APBA1: variants seen among roughly 807,000 people sequenced by gnomAD.
APBA1 encodes the protein amyloid beta precursor protein binding family A member 1.
In APBA1, 55 loss-of-function variants were observed where a neutral mutation model predicts 86.6. The ratio of observed to expected loss-of-function variants is 0.64; its 90% CI spans 0.51 to 0.80. The LOEUF (loss-of-function observed/expected upper bound fraction) is 0.80. Among genes scored for constraint, APBA1 ranks in the 30% least tolerant of loss-of-function variants. The pLI is 0.00. For missense variants in APBA1, 1,090 were observed against 1,183.0 expected (o/e 0.92, Z 1.15); for synonymous variants, 511 against 493.9 (o/e 1.03, Z -0.46).
intron 1 of APBA1, among the ~76,000 whole-genome samples, chr9:69,517,939 GT>G (rs1479359503): frequency 6.6e-6 from 1 of 152,194 alleles, no homozygotes; most frequent in African/African-American, 2.4e-5. Flanking sequence ...CTGAGTTACA[GT>G]TGACTTTTCA....
At chr9:69,499,644 C>T (rs1228264670) in intron 2 of APBA1, among the ~76,000 whole-genome samples, 1 of 145,174 alleles carries the variant, frequency 6.9e-6, no homozygotes, top group Non-Finnish European at 1.5e-5. Flanking sequence ...TGACCTTGGT[C>T]AGTAGTTTCC....
intron 1 of APBA1, among the ~76,000 whole-genome samples, chr9:69,618,586 G>C (rs1822753400): frequency 6.6e-6 from 1 of 152,152 alleles, no homozygotes; most frequent in African/African-American, 2.4e-5. Context: ...CTCAACCAAG[G>C]CTGATGTGGC....
At chr9:69,481,608 T>TA (rs1298269291) in intron 2 of APBA1, among the ~76,000 whole-genome samples, 1 of 55,612 alleles carries the variant, frequency 1.8e-5, no homozygotes, top group Non-Finnish European at 4.2e-5. Flanking sequence ...TTCACAGAAT[T>TA]GGAAAAAACT....
chr9:69,541,012 G>A (rs1023715487), intron 1 of APBA1, among the ~76,000 whole-genome samples: 2 of 152,132 alleles, frequency 1.3e-5, no homozygotes, highest in East Asian at 1.9e-4. Context: ...ATGTTGTCAC[G>A]TATCACAGGA....
At chr9:69,557,833 T>C (rs1055172516) in intron 1 of APBA1, among the ~76,000 whole-genome samples, 1 of 152,216 alleles carries the variant, frequency 6.6e-6, no homozygotes. Context: ...ATACTCCTTT[T>C]CTGGCTGAAG....
intron 1 of APBA1, among the ~76,000 whole-genome samples, chr9:69,537,933 G>C (rs1331744869): frequency 6.6e-6 from 1 of 151,936 alleles, no homozygotes; most frequent in Non-Finnish European, 1.5e-5. Context: ...AAACTTAAAA[G>C]TTTTATTTAG....
intron 5 of APBA1, 129 bp from the exon 6 acceptor site, chr9:69,458,317 G>A: frequency 1.4e-6 from 1 of 712,448 alleles, no homozygotes. Flanking sequence ...GAGGAGGACT[G>A]GCTTTTAAAA....
chr9:69,484,225 TACA>T (rs1034905713), intron 2 of APBA1, among the ~76,000 whole-genome samples: 39 of 152,126 alleles, frequency 2.6e-4, no homozygotes, highest in African/African-American at 8.9e-4. Flanking sequence ...ATAAATTCTT[TACA>T]ACATTATGGG....
intron 1 of APBA1, among the ~76,000 whole-genome samples, chr9:69,639,555 C>T (rs1313819029): frequency 6.6e-6 from 1 of 152,150 alleles, no homozygotes; most frequent in Non-Finnish European, 1.5e-5. Context: ...TAATAGGCTC[C>T]TACTGTCCAA....
chr9:69,671,566 C>G (rs1347710268), intron 1 of APBA1, among the ~76,000 whole-genome samples: 1 of 152,128 alleles, frequency 6.6e-6, no homozygotes, highest in African/African-American at 2.4e-5. Context: ...GTAAGGGCAG[C>G]GGCAGATCTC....
At chr9:69,666,956 A>C (rs888601530) in intron 1 of APBA1, among the ~76,000 whole-genome samples, 1 of 152,224 alleles carries the variant, frequency 6.6e-6, no homozygotes, top group African/African-American at 2.4e-5. Context: ...TATTGAATGC[A>C]TATGATGGGT....
intron 8 of APBA1, among the ~76,000 whole-genome samples, chr9:69,454,165 C>T (rs141960909): frequency 3.9e-4 from 59 of 152,352 alleles, no homozygotes; most frequent in African/African-American, 1.3e-3. Context: ...GGGAACTTTC[C>T]GTGTGGCTGG....
intron 1 of APBA1, among the ~76,000 whole-genome samples, chr9:69,581,619 T>C (rs771588995): frequency 9.9e-5 from 15 of 152,134 alleles, no homozygotes; most frequent in Non-Finnish European, 1.9e-4. Context: ...CAGTAGGCAC[T>C]AAATAACTAA....
intron 1 of APBA1, among the ~76,000 whole-genome samples, chr9:69,548,432 C>T (rs578172643): frequency 5.9e-5 from 9 of 152,298 alleles, no homozygotes; most frequent in South Asian, 2.1e-4. Context: ...TATGTCACTA[C>T]GTTTGTGGTA....
rs1291829161 is a variant in APBA1 at position 69,511,859 on chromosome 9, C to T, written c.1200+4152G>A. Among the ~76,000 whole-genome samples, 66 of 144,476 alleles carry T rather than the reference C, an allele frequency of 4.6e-4. No individual in the cohort carries two copies. The East Asian group carries it at 9.6e-3, about 21-fold the overall frequency. The allele number at this position is 144,476 out of a possible 152,430, so 94.8% of individuals were successfully genotyped here. ...AACACCGCATATTCTCACTCATAGG[C>T]GGGAATTGAACAATGAGATCACATG... is the stretch of plus-strand genomic sequence containing the variant. On this transcript the variant is annotated intron_variant, in intron 2 of 12. Coordinates refer to ENST00000265381, the MANE Select transcript of APBA1 (RefSeq NM_001163.4).
chr9:69,544,078 GT>G (rs1383499774), intron 1 of APBA1, among the ~76,000 whole-genome samples: 1 of 152,200 alleles, frequency 6.6e-6, no homozygotes. Context: ...AAACTGCGTA[GT>G]AATACTACCT....
intron 2 of APBA1, among the ~76,000 whole-genome samples, chr9:69,496,668 G>A (rs932459867): frequency 6.6e-6 from 1 of 152,114 alleles, no homozygotes; most frequent in Admixed American, 6.5e-5. Context: ...TTTCTAAATG[G>A]TGAGCACTGC....
Position 69,429,909 on chromosome 9 carries a change from C to T in APBA1, c.*1418G>A, listed in dbSNP as rs1487215313. The T allele has an allele frequency of 6.6e-6, 1 of 152,110 alleles. No individual in the cohort carries two copies. The highest frequency in any genetic ancestry group is 1.5e-5 in the Non-Finnish European group (1 of 68,026). 9.4% of individuals were successfully genotyped at this position (152,110 alleles called of 1,614,324 possible). The stretch of plus-strand genomic sequence containing the variant: ...AGCCAAATCACACCTCACATGAACA[C>T]AAAATGCTCTTTGGACCAAGTGAAA... On this transcript the variant is annotated 3_prime_UTR_variant, in exon 13 of 13. Transcript: ENST00000265381.
chr9:69,516,236 C>G lies in APBA1; in HGVS notation c.975G>C (p.Ala325=). 4 of 1,446,182 alleles carry G rather than the reference C, an allele frequency of 2.8e-6. No homozygotes were observed. Among genetic ancestry groups the G allele is most frequent in the Non-Finnish European group, 3.6e-6 (4 of 1,099,020 alleles). 89.6% of individuals were successfully genotyped at this position (1,446,182 alleles called of 1,614,324 possible). Residue 325 remains alanine, a synonymous_variant, in exon 2 of 13, where the codon GCG becomes GCC. Transcript: ENST00000265381. The surrounding 1 kb of genome is among the most constrained non-coding windows in gnomAD (Gnocchi z 7.3). ...GLQAPAGQQR[A]VGPAGGGEAG... Reference sequence around the variant, plus strand: ...CCTCGCCGCCGCCCGCGGGGCCCACCGCCCGCTGCTGCCCCGCCGGCGCCT... The same window carrying G: ...CCTCGCCGCCGCCCGCGGGGCCCACGGCCCGCTGCTGCCCCGCCGGCGCCT...
Sources: gnomAD v4.1 joint callset for allele counts (sites outside exome capture counted in the v4.1 genomes callset) on GRCh38, gnomAD v4.1.1 for gene constraint, Gnocchi (gnomAD v3.1) non-coding constraint, MANE v1.5 for transcripts, NCBI Gene and HGNC (gene_info 2026-07-23, HGNC 2026-07-21) for gene names.